PTPRM: variants seen among roughly 807,000 people sequenced by gnomAD.
PTPRM encodes the protein receptor-type tyrosine-protein phosphatase mu.
Under a neutral mutation model 186.7 loss-of-function variants are expected in PTPRM, and 47 were observed. That is an observed-to-expected ratio of 0.25 (90% CI 0.20 to 0.32). The LOEUF is 0.32. Ranked by LOEUF, PTPRM falls within the 10% of genes least tolerant of loss-of-function variation. The pLI, the probability that PTPRM is intolerant of heterozygous loss-of-function variation, is 1.00. For missense variants in PTPRM, 1,494 were observed against 1,865.0 expected (o/e 0.80, Z 3.66); for synonymous variants, 668 against 674.9 (o/e 0.99, Z 0.16).
chr18:8,301,290 C>T (rs1314360544), intron 20 of PTPRM, among the ~76,000 whole-genome samples: 1 of 152,146 alleles, frequency 6.6e-6, no homozygotes, highest in South Asian at 2.1e-4. Flanking sequence ...CCCTTATTTA[C>T]ACTATAAATT....
intron 24 of PTPRM, among the ~76,000 whole-genome samples, chr18:8,375,685 A>G (rs1350693483): frequency 2.6e-5 from 4 of 152,196 alleles, no homozygotes; most frequent in Non-Finnish European, 4.4e-5. Context: ...CTCTTTCTCT[A>G]CAGACTCTCA....
At chr18:8,114,690 G>A (rs2145725620) in intron 12 of PTPRM, 101 bp from the exon 13 acceptor site, 1 of 925,736 alleles carries the variant, frequency 1.1e-6, no homozygotes, top group East Asian at 2.6e-5. Context: ...AGAACAGTGA[G>A]ATCCTTCCTT....
chr18:8,097,632 T>C (rs969534467), intron 11 of PTPRM, among the ~76,000 whole-genome samples: 1 of 152,210 alleles, frequency 6.6e-6, no homozygotes, highest in East Asian at 1.9e-4. Flanking sequence ...TACAGGGTAC[T>C]CTAAGAGTAT....
chr18:7,599,020 A>G (rs1214418240), intron 1 of PTPRM, among the ~76,000 whole-genome samples: 2 of 151,262 alleles, frequency 1.3e-5, no homozygotes, highest in Non-Finnish European at 2.9e-5. Context: ...GTCATTCCCA[A>G]ACACACTGTG....
chr18:8,145,364 G>A (rs1156354241), intron 14 of PTPRM, among the ~76,000 whole-genome samples: 1 of 152,008 alleles, frequency 6.6e-6, no homozygotes. Context: ...AGGTACATGT[G>A]CAGAATGAGC....
At chr18:7,837,356 T>C (rs1179774628) in intron 2 of PTPRM, among the ~76,000 whole-genome samples, 1 of 152,272 alleles carries the variant, frequency 6.6e-6, no homozygotes, top group East Asian at 1.9e-4. Flanking sequence ...TACTGATTGA[T>C]ACTTTTTAAT....
chr18:8,240,824 GAGAAAGAAAGAAAGAAAGAAAAGAA>G (rs2094425448), intron 14 of PTPRM, among the ~76,000 whole-genome samples: 1 of 34,514 alleles, frequency 2.9e-5, no homozygotes, highest in Admixed American at 3.0e-4. Context: ...GAGAGAGAGA[GAGAAAGAAAGAAAGAAAGAAAAGAA>G]AGAAAGAAAG....
At chr18:7,966,761 G>A (rs1203502634) in intron 7 of PTPRM, among the ~76,000 whole-genome samples, 1 of 138,936 alleles carries the variant, frequency 7.2e-6, no homozygotes, top group Admixed American at 7.3e-5. Flanking sequence ...CTTAAAAAAC[G>A]GCGCACCACG....
At chr18:8,005,913 G>A (rs1238896825) in intron 7 of PTPRM, among the ~76,000 whole-genome samples, 1 of 152,186 alleles carries the variant, frequency 6.6e-6, no homozygotes, top group Non-Finnish European at 1.5e-5. Context: ...TATTAGAGCT[G>A]GGGACATCCT....
At chr18:7,853,631 T>G (rs1177743035) in intron 2 of PTPRM, among the ~76,000 whole-genome samples, 1 of 152,200 alleles carries the variant, frequency 6.6e-6, no homozygotes, top group Non-Finnish European at 1.5e-5. Flanking sequence ...TCTCAAACAG[T>G]TATTTGTTGG....
At chr18:8,300,213 A>T (rs1303280844) in intron 20 of PTPRM, among the ~76,000 whole-genome samples, 1 of 152,150 alleles carries the variant, frequency 6.6e-6, no homozygotes, top group Non-Finnish European at 1.5e-5. Flanking sequence ...GGGTGAGTGG[A>T]CGAGTGGCAG....
intron 19 of PTPRM, among the ~76,000 whole-genome samples, chr18:8,278,648 T>G (rs1233735851): frequency 3.3e-5 from 5 of 152,176 alleles, no homozygotes; most frequent in African/African-American, 1.2e-4. Flanking sequence ...TGTGCAAAAT[T>G]GCATGTAGCT....
intron 5 of PTPRM, among the ~76,000 whole-genome samples, chr18:7,934,061 C>T (rs945543700): frequency 5.9e-5 from 9 of 152,124 alleles, no homozygotes; most frequent in Admixed American, 6.6e-5. Context: ...CCACATTAAA[C>T]GTTATAGACA....
At chr18:7,670,523 T>C (rs1475116889) in intron 1 of PTPRM, among the ~76,000 whole-genome samples, 1 of 152,236 alleles carries the variant, frequency 6.6e-6, no homozygotes, top group Non-Finnish European at 1.5e-5. Flanking sequence ...GAAACCATTA[T>C]ATTTCTCCCC....
intron 18 of PTPRM, 25 bp downstream of exon 18, chr18:8,252,524 G>A (rs544813188): frequency 1.3e-6 from 2 of 1,539,032 alleles, no homozygotes; most frequent in African/African-American, 2.7e-5. Context: ...TCGCCCCATG[G>A]AAGAGTTGTG....
At chr18:7,801,301 A>AT (rs1238975956) in intron 2 of PTPRM, among the ~76,000 whole-genome samples, 1 of 152,028 alleles carries the variant, frequency 6.6e-6, no homozygotes, top group Non-Finnish European at 1.5e-5. Flanking sequence ...AAATTTATTG[A>AT]TTTTTTTCTT....
chr18:7,843,524 A>G (rs994278720), intron 2 of PTPRM, among the ~76,000 whole-genome samples: 1 of 152,164 alleles, frequency 6.6e-6, no homozygotes, highest in African/African-American at 2.4e-5. Flanking sequence ...CTCCCAGACT[A>G]CTAATATATT....
chr18:8,248,980 C>T (rs2094502729), intron 17 of PTPRM, among the ~76,000 whole-genome samples: 1 of 152,176 alleles, frequency 6.6e-6, no homozygotes, highest in African/African-American at 2.4e-5. Flanking sequence ...GCTGTGATAA[C>T]CAAACAAGCA....
chr18:7,993,701 A>G (rs889762771), intron 7 of PTPRM, among the ~76,000 whole-genome samples: 46 of 152,166 alleles, frequency 3.0e-4, no homozygotes, highest in Non-Finnish European at 5.7e-4. Context: ...TGTCACCACT[A>G]GACTGACTAT....
Sources: allele counts gnomAD v4.1 joint callset (sites outside exome capture counted in the v4.1 genomes callset), GRCh38; gene constraint gnomAD v4.1.1; transcripts MANE v1.5; gene names NCBI Gene and HGNC (gene_info 2026-07-23, HGNC 2026-07-21).